Variants in PDE3A observed in about 807,000 individuals in gnomAD.
PDE3A encodes cGMP-inhibited 3',5'-cyclic phosphodiesterase 3A.
PDE3A carries 43 observed loss-of-function variants against 98.3 expected under a neutral mutation model. That is an observed-to-expected ratio of 0.44 (90% CI 0.34 to 0.56). The LOEUF (loss-of-function observed/expected upper bound fraction) is 0.56, where lower values mean the gene tolerates loss of function less well. Ranked by LOEUF, PDE3A falls within the 20% of genes least tolerant of loss-of-function variation. PDE3A has a pLI of 0.01. For missense variants in PDE3A, 1,427 were observed against 1,440.7 expected (o/e 0.99, Z 0.15); for synonymous variants, 663 against 567.9 (o/e 1.17, Z -2.38).
At chr12:20,639,555 T>C (rs1455633428) in intron 9 of PDE3A, among the ~76,000 whole-genome samples, 1 of 152,066 alleles carries the variant, frequency 6.6e-6, no homozygotes, top group East Asian at 1.9e-4. Context: ...ACAGCTGAAA[T>C]GAATTAATGT....
intron 1 of PDE3A, among the ~76,000 whole-genome samples, chr12:20,550,935 G>T (rs1343242560): frequency 1.3e-5 from 2 of 151,122 alleles, no homozygotes; most frequent in Non-Finnish European, 3.0e-5. Flanking sequence ...TGGATTTTTA[G>T]ATCTTAGTTT....
chr12:20,388,712 C>T (rs1039204260), intron 1 of PDE3A, among the ~76,000 whole-genome samples: 3 of 152,034 alleles, frequency 2.0e-5, no homozygotes, highest in Non-Finnish European at 2.9e-5. Flanking sequence ...TTGTTGTTTT[C>T]GTGTATCTGA....
chr12:20,548,857 G>A (rs1565585223), intron 1 of PDE3A, among the ~76,000 whole-genome samples: 1 of 152,114 alleles, frequency 6.6e-6, no homozygotes, highest in Admixed American at 6.6e-5. Flanking sequence ...TTGAAAGGAT[G>A]TTTTGACTTT....
At chr12:20,599,870 ACCT>A (rs199597687) in intron 2 of PDE3A, among the ~76,000 whole-genome samples, 2,294 of 152,240 alleles carry the variant, frequency 0.015, 72 homozygotes, top group African/African-American at 0.052. Flanking sequence ...GTGGCTTGCT[ACCT>A]CAGTGTTTCA....
At chr12:20,621,981 T>C (rs11608437) in intron 5 of PDE3A, among the ~76,000 whole-genome samples, 27,547 of 152,028 alleles carry the variant, frequency 0.18, 2,828 homozygotes, top group Non-Finnish European at 0.23. Flanking sequence ...AGAAGCCCAA[T>C]TAAGAACCTG....
chr12:20,551,002 T>A (rs1055315463), intron 1 of PDE3A, among the ~76,000 whole-genome samples: 50 of 150,358 alleles, frequency 3.3e-4, no homozygotes, highest in Non-Finnish European at 5.3e-4. Context: ...ATTTTATATG[T>A]GTGTAAATAT....
intron 1 of PDE3A, among the ~76,000 whole-genome samples, chr12:20,512,470 G>A (rs1252873078): frequency 6.6e-6 from 1 of 152,086 alleles, no homozygotes; most frequent in African/African-American, 2.4e-5. Flanking sequence ...AGAGGCCACG[G>A]AAGCTGATGG....
intron 15 of PDE3A, among the ~76,000 whole-genome samples, chr12:20,671,884 C>T (rs1289567266): frequency 4.1e-5 from 6 of 146,586 alleles, no homozygotes; most frequent in Non-Finnish European, 9.0e-5. Flanking sequence ...AAAGGGTATT[C>T]AATTAGGAAA....
chr12:20,429,526 G>A (rs1490032444), intron 1 of PDE3A, among the ~76,000 whole-genome samples: 3 of 152,148 alleles, frequency 2.0e-5, no homozygotes, highest in Non-Finnish European at 4.4e-5. Flanking sequence ...CTGAAGCTCT[G>A]TGACTTGCTC....
intron 15 of PDE3A, among the ~76,000 whole-genome samples, chr12:20,678,038 T>A (rs1203051490): frequency 6.6e-6 from 1 of 152,106 alleles, no homozygotes; most frequent in African/African-American, 2.4e-5. Flanking sequence ...TGCTCAGGAC[T>A]TGGTGGATAT....
intron 1 of PDE3A, among the ~76,000 whole-genome samples, chr12:20,547,506 A>G (rs1272328178): frequency 2.0e-5 from 3 of 152,172 alleles, no homozygotes; most frequent in Non-Finnish European, 4.4e-5. Flanking sequence ...TTATATGTAT[A>G]TTAGTTTTAT....
At position 20,680,448 on chromosome 12, in the gene PDE3A, C is replaced by T. The variant is rs576659603; in HGVS notation, c.*177C>T. On this transcript the variant is annotated 3_prime_UTR_variant, in exon 16 of 16. Coordinates refer to ENST00000359062, the MANE Select transcript of PDE3A (RefSeq NM_000921.5). ...TTACAGTGAGGTACATTGTTAAAAA[C>T]TTTTTGCTCAAAGAAGCTTTCACAT... 264 of 661,784 alleles carry T rather than the reference C, an allele frequency of 4.0e-4. 4 individuals are homozygous for T. Among genetic ancestry groups the T allele is most frequent in the South Asian group, 2.2e-3 (102 of 45,440 alleles). The allele number at this position is 661,784 out of a possible 1,614,324, so 41.0% of individuals were successfully genotyped here.
At chr12:20,475,169 ATGTGTGTGAGTGTGTGTGTGTGTG>A (rs1222643292) in intron 1 of PDE3A, among the ~76,000 whole-genome samples, 1 of 96,410 alleles carries the variant, frequency 1.0e-5, no homozygotes, top group Non-Finnish European at 2.2e-5. Context: ...AGAGGAAAAA[ATGTGTGTGAGTGTGTGTGTGTGTG>A]TGTGTGTGTG....
chr12:20,646,868 C>T lies in PDE3A; in HGVS notation c.2483C>T (p.Ala828Val), dbSNP rs758486260. 1 of 1,613,342 alleles carries T rather than the reference C, an allele frequency of 6.2e-7. No individual in the cohort carries two copies. Among genetic ancestry groups the T allele is most frequent in the African/African-American group, 1.3e-5 (1 of 74,838 alleles). Reference protein sequence around the residue: ...SGNIPALELMALYVAAAMHDY... With the variant: ...SGNIPALELMVLYVAAAMHDY... ...AATATCCCTGCCTTGGAGTTGATGG[C>T]GCTGTATGTGGCTGCAGCCATGCAC... Residue 828 changes from alanine (A) to valine (V), a missense_variant, in exon 12 of 16, where the codon GCG becomes GTG. Ala to Val is a moderately conservative substitution (Grantham distance 64). Transcript: ENST00000359062.
chr12:20,451,225 T>A (rs918869011), intron 1 of PDE3A, among the ~76,000 whole-genome samples: 2 of 152,200 alleles, frequency 1.3e-5, no homozygotes, highest in African/African-American at 2.4e-5. Context: ...CAGACCTCAG[T>A]GTATTAACAG....
intron 2 of PDE3A, among the ~76,000 whole-genome samples, chr12:20,560,444 A>C (rs952904083): frequency 2.6e-5 from 4 of 152,190 alleles, no homozygotes; most frequent in Non-Finnish European, 5.9e-5. Context: ...AAAATTAAAA[A>C]TGTAGCAGAT....
At chr12:20,576,182 AATT>A (rs1292533937) in intron 2 of PDE3A, among the ~76,000 whole-genome samples, 1 of 152,014 alleles carries the variant, frequency 6.6e-6, no homozygotes, top group African/African-American at 2.4e-5. Flanking sequence ...TTAAATGTAG[AATT>A]ATTAATTTGC....
chr12:20,564,484 A>G (rs766741178), intron 2 of PDE3A, among the ~76,000 whole-genome samples: 1 of 152,172 alleles, frequency 6.6e-6, no homozygotes, highest in Non-Finnish European at 1.5e-5. Context: ...ATTGTGAAGT[A>G]GTTTTCTCAG....
At chr12:20,407,129 T>C (rs1431103301) in intron 1 of PDE3A, among the ~76,000 whole-genome samples, 1 of 152,188 alleles carries the variant, frequency 6.6e-6, no homozygotes, top group East Asian at 1.9e-4. Context: ...CAGTTTGGGA[T>C]CAGCATAGAT....
Sources: gnomAD v4.1 joint callset for allele counts (sites outside exome capture counted in the v4.1 genomes callset) on GRCh38, gnomAD v4.1.1 for gene constraint, MANE v1.5 for transcripts, NCBI Gene and HGNC (gene_info 2026-07-23, HGNC 2026-07-21) for gene names.